ST6GALNAC1: variants seen among roughly 807,000 people sequenced by gnomAD.
ST6GALNAC1 encodes the protein ST6 N-acetylgalactosaminide alpha-2,6-sialyltransferase 1, also known as alpha-N-acetylgalactosaminide alpha-2,6-sialyltransferase 1.
ST6GALNAC1 carries 45 observed loss-of-function variants against 56.8 expected under a neutral mutation model. The observed-to-expected ratio is 0.79, with a 90% CI of 0.62 to 1.02. The LOEUF (loss-of-function observed/expected upper bound fraction) is 1.02, where lower values mean the gene tolerates loss of function less well. ST6GALNAC1 is among the 50% of genes least tolerant of loss of function. The probability of loss-of-function intolerance (pLI) is 0.00; values close to 1 mark genes in which losing one functional copy is unlikely to be tolerated. For missense variants in ST6GALNAC1, 743 were observed against 754.8 expected (o/e 0.98, Z 0.18); for synonymous variants, 295 against 297.8 (o/e 0.99, Z 0.10).
chr17:76,626,445 C>G, intron 5 of ST6GALNAC1, 53 bp from the exon 6 acceptor site: 1 of 1,578,154 alleles, frequency 6.3e-7, no homozygotes, highest in Non-Finnish European at 8.7e-7. Flanking sequence ...AGGACCACCA[C>G]CGAGGGTGGC....
intron 1 of ST6GALNAC1, among the ~76,000 whole-genome samples, chr17:76,641,451 G>C (rs2076046901): frequency 6.6e-6 from 1 of 152,040 alleles, no homozygotes; most frequent in South Asian, 2.1e-4. Context: ...TAAAAAGGAA[G>C]AAAAGATATG....
chr17:76,625,953 G>A, intron 7 of ST6GALNAC1, 35 bp from the exon 8 acceptor site: 1 of 1,604,636 alleles, frequency 6.2e-7, no homozygotes, highest in Non-Finnish European at 8.5e-7. Context: ...CTGTCAGGAG[G>A]CTGCAAGGAT....
chr17:76,629,789 T>TG (rs928038404), intron 1 of ST6GALNAC1, 78 bp from the exon 2 acceptor site: 69 of 991,648 alleles, frequency 7.0e-5, no homozygotes, highest in Middle Eastern at 2.5e-4. Context: ...TTTTGTTTTT[T>TG]TTTTTTTTTT....
At chr17:76,628,664 G>A (rs2075846533) in intron 2 of ST6GALNAC1, among the ~76,000 whole-genome samples, 1 of 152,130 alleles carries the variant, frequency 6.6e-6, no homozygotes, top group South Asian at 2.1e-4. Context: ...GAGAGGATGG[G>A]GATTCAGGGG....
downstream of ST6GALNAC1, among the ~76,000 whole-genome samples, chr17:76,621,917 T>G (rs188036029): frequency 1.3e-5 from 2 of 150,692 alleles, no homozygotes; most frequent in Admixed American, 6.7e-5. Context: ...ACCTTCTAAA[T>G]TTAATTTGTT....
chr17:76,623,676 A>G (rs1471476255), downstream of ST6GALNAC1, among the ~76,000 whole-genome samples: 2 of 152,178 alleles, frequency 1.3e-5, no homozygotes, highest in Non-Finnish European at 2.9e-5. Flanking sequence ...ACTTACTATA[A>G]TATGTAGCCT....
At chr17:76,619,221 C>G in the ST6GALNAC1 span, among the ~76,000 whole-genome samples, 2 of 152,150 alleles carry the variant, frequency 1.3e-5, no homozygotes, top group African/African-American at 4.8e-5. Context: ...TGGAATCAGC[C>G]ATTTCTCTCT....
rs1259642680 is a variant in ST6GALNAC1, at chr17:76,625,399, C to G, written c.1734G>C (p.Arg578=). 30 of 1,614,146 alleles carry G rather than the reference C, an allele frequency of 1.9e-5. No homozygotes were observed. The highest frequency in any genetic ancestry group is 2.5e-5 in the Non-Finnish European group (30 of 1,180,040). ...DFKLEREVWK[R]LHDEGIIRLY... is the part of the protein sequence containing the mutation. Reference sequence around the variant, plus strand: ...GCCGGATTATCCCTTCATCGTGTAGCCGCTTCCAGACTTCTCTCTCCAGCT... The same window carrying G: ...GCCGGATTATCCCTTCATCGTGTAGGCGCTTCCAGACTTCTCTCTCCAGCT... Residue 578 remains arginine (R), a synonymous_variant, in exon 9 of 9, where the codon CGG becomes CGC. Coordinates refer to ENST00000156626, the MANE Select transcript of ST6GALNAC1 (RefSeq NM_018414.5).
intron 4 of ST6GALNAC1, 85 bp from the exon 5 acceptor site, chr17:76,626,874 G>C: frequency 1.9e-6 from 3 of 1,562,944 alleles, no homozygotes; most frequent in Non-Finnish European, 2.6e-6. Context: ...AGGAGAAATG[G>C]GGGAGGCAGC....
downstream of ST6GALNAC1, among the ~76,000 whole-genome samples, chr17:76,621,327 T>G (rs1436324450): frequency 7.6e-6 from 1 of 130,850 alleles, no homozygotes; most frequent in African/African-American, 2.9e-5. Flanking sequence ...GGACTACAGG[T>G]GCACGCCACC....
At position 76,627,291 on chromosome 17, in the gene ST6GALNAC1, C is replaced by A; in HGVS notation, c.1001-53G>T. The A allele has an allele frequency of 1.3e-6, 2 of 1,554,270 alleles. No homozygotes were observed. Among genetic ancestry groups the A allele is most frequent in the Non-Finnish European group, 8.7e-7 (1 of 1,149,218 alleles). Reference sequence around the variant, plus strand: ...CAGAGCCCTGGGAGGGACAGGAGTCCGACCCATCATTCCTCCCAGGTCTGG... The same window carrying A: ...CAGAGCCCTGGGAGGGACAGGAGTCAGACCCATCATTCCTCCCAGGTCTGG... On this transcript the variant is annotated intron_variant, in intron 3 of 8. Transcript: ENST00000156626. This position sits in a 1 kb window ranked among gnomAD's most constrained non-coding sequence, Gnocchi z 4.4.
chr17:76,637,870 C>T (rs1009093677), intron 1 of ST6GALNAC1: 16 of 390,416 alleles, frequency 4.1e-5, no homozygotes, highest in South Asian at 1.4e-4. Context: ...CTCACTCTGT[C>T]GTCCAGGCTA....
At chr17:76,637,035 CA>C (rs920022798) in intron 1 of ST6GALNAC1, among the ~76,000 whole-genome samples, 1 of 151,912 alleles carries the variant, frequency 6.6e-6, no homozygotes, top group African/African-American at 2.4e-5. Flanking sequence ...AAGGGCGGTG[CA>C]AGATGTGCTT....
chr17:76,621,161 TTCTCTTTTC>T (rs1431216352), downstream of ST6GALNAC1, among the ~76,000 whole-genome samples: 39 of 150,012 alleles, frequency 2.6e-4, no homozygotes, highest in African/African-American at 8.9e-4. Flanking sequence ...GTTTCTTTTC[TTCTCTTTTC>T]TTTCTTTCTT....
chr17:76,638,454 G>A (rs2076005254), intron 1 of ST6GALNAC1, among the ~76,000 whole-genome samples: 1 of 151,964 alleles, frequency 6.6e-6, no homozygotes, highest in Non-Finnish European at 1.5e-5. Context: ...TTAGCTCACT[G>A]CAACCTCTGC....
intron 1 of ST6GALNAC1, among the ~76,000 whole-genome samples, chr17:76,630,997 C>A (rs1413996093): frequency 2.0e-5 from 3 of 151,378 alleles, no homozygotes; most frequent in Non-Finnish European, 4.4e-5. Context: ...TGGGCTCAAG[C>A]GATCCTGTGG....
chr17:76,626,518 C>G, intron 5 of ST6GALNAC1, 126 bp from the exon 6 acceptor site: 1 of 1,512,646 alleles, frequency 6.6e-7, no homozygotes. Context: ...CCTCCCCACT[C>G]CTGCCCTTAT....
At chr17:76,623,417 C>T (rs1047842140), downstream of ST6GALNAC1, among the ~76,000 whole-genome samples, 8 of 152,280 alleles carry the variant, frequency 5.3e-5, no homozygotes, top group South Asian at 4.1e-4. Flanking sequence ...TTACTAGAAT[C>T]GCACTAAGTT....
At chr17:76,642,219 C>CCTATCTAT (rs10693413) in intron 1 of ST6GALNAC1, among the ~76,000 whole-genome samples, 1,882 of 150,176 alleles carry the variant, frequency 0.013, 39 homozygotes, top group East Asian at 0.081. Flanking sequence ...TCTCTATCTG[C>CCTATCTAT]CTATCTATCT....
Sources: gnomAD v4.1 joint callset for allele counts (sites outside exome capture counted in the v4.1 genomes callset) on GRCh38, gnomAD v4.1.1 for gene constraint, Gnocchi (gnomAD v3.1) non-coding constraint, MANE v1.5 for transcripts, NCBI Gene and HGNC (gene_info 2026-07-23, HGNC 2026-07-21) for gene names.